The following ADGRE3 variants were observed in gnomAD, a reference collection of about 807,000 sequenced individuals.
The protein encoded by ADGRE3 is adhesion G protein-coupled receptor E3.
Under a neutral mutation model 80.1 loss-of-function variants are expected in ADGRE3, and 88 were observed. The ratio of observed to expected loss-of-function variants is 1.10; its 90% CI spans 0.93 to 1.31. The LOEUF is 1.31. ADGRE3 is among the 40% of genes most tolerant of loss of function. The probability of loss-of-function intolerance (pLI) is 0.00; values close to 1 mark genes in which losing one functional copy is unlikely to be tolerated. For synonymous variants in ADGRE3, 281 were observed against 294.8 expected (o/e 0.95, Z 0.48); for missense variants, 715 against 776.5 (o/e 0.92, Z 0.94).
downstream of ADGRE3, among the ~76,000 whole-genome samples, chr19:14,617,344 T>TCTCTCTCTCTCTTTCTC (rs774654059): frequency 0.12 from 6,026 of 49,182 alleles, 225 homozygotes; most frequent in Non-Finnish European, 0.16. Context: ...CTCCCTCCCT[T>TCTCTCTCTCTCTTTCTC]TCTTTCTTTC....
intron 4 of ADGRE3, among the ~76,000 whole-genome samples, chr19:14,660,625 T>TA (rs34250356): frequency 2.3e-4 from 33 of 145,340 alleles, no homozygotes; most frequent in South Asian, 2.2e-4. Flanking sequence ...CCCCATCTCT[T>TA]AAAAAAAAAA....
At chr19:14,641,330 C>T (rs1459046296) in intron 10 of ADGRE3, 89 bp downstream of exon 10, 2 of 1,516,288 alleles carry the variant, frequency 1.3e-6, no homozygotes, top group Non-Finnish European at 1.8e-6. Context: ...GACCCAAGGA[C>T]ATTTTATTAA....
At chr19:14,600,669 C>A in the ADGRE3 span, among the ~76,000 whole-genome samples, 29 of 151,392 alleles carry the variant, frequency 1.9e-4, no homozygotes, top group African/African-American at 6.3e-4. Flanking sequence ...GTAAGCTCCG[C>A]CTCCCGGGTT....
the ADGRE3 span, among the ~76,000 whole-genome samples, chr19:14,605,102 A>ATT: frequency 4.1e-5 from 6 of 146,672 alleles, no homozygotes; most frequent in East Asian, 2.0e-4. Flanking sequence ...ACCTCCCCAC[A>ATT]TTTTTTTTTT....
chr19:14,663,469 T>G lies in ADGRE3; in HGVS notation c.148A>C (p.Thr50Pro). The change falls in exon 3 of 16, where the codon ACT (threonine) becomes CCT (proline). Residue 50 changes from threonine to proline, a missense_variant. Physicochemically the swap from Thr to Pro is conservative, Grantham distance 38 (BLOSUM62 -1). Transcript: ENST00000253673. ...NTHCTCNHGYTSGSGQKLFTF... is the reference protein window; with the variant it reads ...NTHCTCNHGYPSGSGQKLFTF... ...AATAGTTTCTGCCCAGATCCAGAAGTATATCCATGGTTGCAGGTGCAGTGA... is the reference window on the plus strand; with the variant it reads ...AATAGTTTCTGCCCAGATCCAGAAGGATATCCATGGTTGCAGGTGCAGTGA... 4.3e-6 allele frequency: 7 copies of G among 1,613,322 alleles called. No individual in the cohort carries two copies. Among genetic ancestry groups the G allele is most frequent in the Non-Finnish European group, 5.9e-6 (7 of 1,179,462 alleles).
chr19:14,649,376 A>C (rs1374313913), intron 7 of ADGRE3, among the ~76,000 whole-genome samples: 487 of 62,012 alleles, frequency 7.9e-3, no homozygotes, highest in Middle Eastern at 0.029. Flanking sequence ...CTCTCTTTCC[A>C]TCTCTCTCTC....
chr19:14,626,699 G>C lies in ADGRE3; in HGVS notation c.1813-1100C>G, dbSNP rs114764494. ...GAGGAAGCAGGACAGGGAAGAGAAGGCAGCTGGTAAAGAATGCATAATTAA... is the reference window on the plus strand; with the variant it reads ...GAGGAAGCAGGACAGGGAAGAGAAGCCAGCTGGTAAAGAATGCATAATTAA... On this transcript the variant is annotated intron_variant, in intron 14 of 15. Transcript: ENST00000253673. Among the ~76,000 whole-genome samples, 1,267 of 152,286 alleles carry C rather than the reference G, an allele frequency of 8.3e-3. 18 individuals are homozygous for C. Among genetic ancestry groups the C allele is most frequent in the African/African-American group, 0.028 (1,168 of 41,548 alleles).
intron 15 of ADGRE3, 27 bp from the exon 16 acceptor site, chr19:14,619,498 G>A: frequency 6.5e-7 from 1 of 1,545,422 alleles, no homozygotes; most frequent in East Asian, 2.2e-5. Flanking sequence ...GATTAAAGGT[G>A]GATGTAAGGG....
At chr19:14,616,792 ATTTTTTTTT>A (rs34403316), downstream of ADGRE3, among the ~76,000 whole-genome samples, 1 of 127,480 alleles carries the variant, frequency 7.8e-6, no homozygotes, top group Non-Finnish European at 1.6e-5. Flanking sequence ...TTTTTCTAGA[ATTTTTTTTT>A]TTTTTTTTTT....
chr19:14,600,884 C>T, the ADGRE3 span, among the ~76,000 whole-genome samples: 65 of 128,044 alleles, frequency 5.1e-4, no homozygotes, highest in African/African-American at 1.8e-3. Context: ...CCACCACGCT[C>T]GGCCTTCTTT....
chr19:14,624,527 G>A (rs1390911081), intron 15 of ADGRE3, among the ~76,000 whole-genome samples: 7 of 151,958 alleles, frequency 4.6e-5, no homozygotes, highest in Non-Finnish European at 1.0e-4. Flanking sequence ...AGGCTGAGGT[G>A]GTAGGACTGC....
At chr19:14,654,395 T>C (rs1971694000) in intron 6 of ADGRE3, among the ~76,000 whole-genome samples, 1 of 151,860 alleles carries the variant, frequency 6.6e-6, no homozygotes, top group South Asian at 2.1e-4. Context: ...CCCAAGTAGC[T>C]GAGACCACAG....
At chr19:14,618,846 C>CAAAA (rs771965258), downstream of ADGRE3, among the ~76,000 whole-genome samples, 458 of 61,832 alleles carry the variant, frequency 7.4e-3, 17 homozygotes, top group Middle Eastern at 0.04. Context: ...AACTCCATCT[C>CAAAA]AAAAAAAAAA....
Position 14,668,568 on chromosome 19 carries a change from C to T in ADGRE3, c.76+234G>A, listed in dbSNP as rs547033999. 26 of 536,360 alleles carry T rather than the reference C, an allele frequency of 4.8e-5. No homozygotes were observed. In the East Asian group the frequency reaches 6.8e-4, roughly 14 times the overall value. 33.2% of individuals were successfully genotyped at this position (536,360 alleles called of 1,614,324 possible). On this transcript the variant is annotated intron_variant, in intron 2 of 15. Transcript: ENST00000253673. The stretch of plus-strand genomic sequence containing the variant: ...TTTTCTGTTCTATCTCCACTTTGTA[C>T]TCACTGTGGTTAGCAAAAACAGACA...
chr19:14,655,608 G>A (rs529355175), intron 5 of ADGRE3, among the ~76,000 whole-genome samples: 5 of 151,898 alleles, frequency 3.3e-5, no homozygotes, highest in South Asian at 2.1e-4. Flanking sequence ...GGTGCACACC[G>A]CCATGCTTGC....
At chr19:14,628,387 C>T (rs563767010) in intron 14 of ADGRE3, among the ~76,000 whole-genome samples, 14 of 150,818 alleles carry the variant, frequency 9.3e-5, no homozygotes, top group African/African-American at 1.7e-4. Context: ...TGCAGTGAGC[C>T]GAGATTGAGC....
chr19:14,656,673 C>A (rs1215604178), intron 5 of ADGRE3, among the ~76,000 whole-genome samples: 3 of 152,134 alleles, frequency 2.0e-5, no homozygotes, highest in African/African-American at 7.2e-5. Context: ...CCATTTTGAT[C>A]ATGTCTAGTC....
At chr19:14,625,159 T>C (rs1225874430) in intron 15 of ADGRE3, among the ~76,000 whole-genome samples, 1 of 152,108 alleles carries the variant, frequency 6.6e-6, no homozygotes, top group Non-Finnish European at 1.5e-5. Flanking sequence ...TTTGTATTTT[T>C]AGTAGAGATG....
At chr19:14,615,819 G>A (rs1279175439), downstream of ADGRE3, among the ~76,000 whole-genome samples, 1 of 151,880 alleles carries the variant, frequency 6.6e-6, no homozygotes, top group Non-Finnish European at 1.5e-5. Flanking sequence ...GAGTGCAGTG[G>A]TGCAATCATA....
Sources: allele counts gnomAD v4.1 joint callset (sites outside exome capture counted in the v4.1 genomes callset), GRCh38; gene constraint gnomAD v4.1.1; transcripts MANE v1.5; gene names NCBI Gene and HGNC (gene_info 2026-07-23, HGNC 2026-07-21).